Variants in ABCC9 observed in about 807,000 individuals in gnomAD.
ABCC9 encodes ATP binding cassette subfamily C member 9, also known as ATP-binding cassette sub-family C member 9.
A neutral mutation model predicts 188.3 loss-of-function variants in ABCC9; 95 were observed. That is an observed-to-expected ratio of 0.50 (90% CI 0.43 to 0.60). The LOEUF is 0.60. Among genes scored for constraint, ABCC9 ranks in the 20% least tolerant of loss-of-function variants. The probability of loss-of-function intolerance (pLI) is 0.00; values close to 1 mark genes in which losing one functional copy is unlikely to be tolerated. For synonymous variants in ABCC9, 659 were observed against 652.7 expected (o/e 1.01, Z -0.15); for missense variants, 1,102 against 1,876.3 (o/e 0.59, Z 7.62).
intron 16 of ABCC9, among the ~76,000 whole-genome samples, chr12:21,881,728 A>ACACG (rs1420586540): frequency 1.2e-4 from 18 of 151,402 alleles, no homozygotes; most frequent in African/African-American, 3.9e-4. Flanking sequence ...ACACACACAC[A>ACACG]CACACATTTT....
intron 25 of ABCC9, among the ~76,000 whole-genome samples, chr12:21,847,431 T>G (rs1944731651): frequency 6.6e-6 from 1 of 152,162 alleles, no homozygotes; most frequent in African/African-American, 2.4e-5. Context: ...ATTTTGGTGC[T>G]ATTTGACTTG....
At chr12:21,859,170 C>T (rs1945379327) in intron 22 of ABCC9, among the ~76,000 whole-genome samples, 1 of 152,178 alleles carries the variant, frequency 6.6e-6, no homozygotes, top group Admixed American at 6.5e-5. Context: ...AGCTTATCCA[C>T]AGCCCGAGTT....
chr12:21,838,214 C>A, intron 29 of ABCC9, 44 bp from the exon 30 acceptor site: 1 of 1,247,486 alleles, frequency 8.0e-7, no homozygotes, highest in South Asian at 1.2e-5. Flanking sequence ...TGCATCCAGA[C>A]TCAAAGACTA....
At chr12:21,868,676 C>A (rs1282198658) in intron 18 of ABCC9, among the ~76,000 whole-genome samples, 1 of 152,006 alleles carries the variant, frequency 6.6e-6, no homozygotes, top group African/African-American at 2.4e-5. Flanking sequence ...ATCAGAGACA[C>A]ATGTAATGGT....
At chr12:21,841,881 G>C (rs962088746) in intron 29 of ABCC9, among the ~76,000 whole-genome samples, 1 of 152,062 alleles carries the variant, frequency 6.6e-6, no homozygotes, top group African/African-American at 2.4e-5. Context: ...TTTCATATAG[G>C]TTGCATTTCT....
chr12:21,832,619 A>G (rs982469900), intron 30 of ABCC9, among the ~76,000 whole-genome samples: 4 of 152,110 alleles, frequency 2.6e-5, no homozygotes, highest in Admixed American at 2.6e-4. Context: ...TTAAAAATAA[A>G]AAAAAAAAAT....
intron 14 of ABCC9, 155 bp from the exon 15 acceptor site, chr12:21,888,089 C>G (rs1438415539): frequency 3.0e-6 from 2 of 671,728 alleles, no homozygotes; most frequent in Non-Finnish European, 5.5e-6. Flanking sequence ...GCTAGATCGA[C>G]CAAACATCCT....
At chr12:21,883,816 A>G (rs1026193801) in intron 15 of ABCC9, among the ~76,000 whole-genome samples, 10 of 152,114 alleles carry the variant, frequency 6.6e-5, no homozygotes, top group African/African-American at 2.4e-4. Flanking sequence ...TTATAGCCCT[A>G]TTCCTAGTCA....
intron 12 of ABCC9, among the ~76,000 whole-genome samples, chr12:21,902,844 C>A (rs1248547564): frequency 2.0e-5 from 3 of 152,182 alleles, no homozygotes; most frequent in Non-Finnish European, 4.4e-5. Context: ...GGATTCACAG[C>A]TGAATTCTAC....
chr12:21,839,872 T>C (rs1944291025), intron 29 of ABCC9, among the ~76,000 whole-genome samples: 1 of 152,134 alleles, frequency 6.6e-6, no homozygotes, highest in Non-Finnish European at 1.5e-5. Context: ...AATTTTCACA[T>C]GGGGATTCGG....
chr12:21,857,102 T>C (rs953986910), intron 22 of ABCC9, among the ~76,000 whole-genome samples: 1 of 152,224 alleles, frequency 6.6e-6, no homozygotes, highest in Non-Finnish European at 1.5e-5. Flanking sequence ...ATTCCATTGC[T>C]GCTAAAATGT....
chr12:21,816,067 TTTTTTTTTTTTTTA>T (rs1942619373), intron 33 of ABCC9, among the ~76,000 whole-genome samples, 174 bp from the exon 34 acceptor site: 2 of 113,270 alleles, frequency 1.8e-5, no homozygotes, highest in Non-Finnish European at 1.8e-5. Context: ...TTTTTTTTTT[TTTTTTTTTTTTTTA>T]GTTTAAATCA....
At chr12:21,845,864 G>A in intron 25 of ABCC9, 32 bp from the exon 26 acceptor site, 1 of 1,471,230 alleles carries the variant, frequency 6.8e-7, no homozygotes, top group Non-Finnish European at 9.5e-7. Context: ...TTAAGCTTCA[G>A]ATGGGCACCG....
intron 29 of ABCC9, among the ~76,000 whole-genome samples, chr12:21,840,448 C>G (rs139224965): frequency 6.6e-6 from 1 of 152,278 alleles, no homozygotes; most frequent in East Asian, 1.9e-4. Flanking sequence ...ATAGATTATT[C>G]TGATGATGAA....
At chr12:21,857,603 T>C (rs113179497) in intron 22 of ABCC9, among the ~76,000 whole-genome samples, 12 of 152,100 alleles carry the variant, frequency 7.9e-5, no homozygotes, top group African/African-American at 2.9e-4. Context: ...GAGGAGCTTA[T>C]CCAGACAGGC....
chr12:21,836,398 C>T (rs1276386562), intron 30 of ABCC9, among the ~76,000 whole-genome samples: 2 of 152,208 alleles, frequency 1.3e-5, no homozygotes, highest in Admixed American at 6.5e-5. Context: ...TATGTTCCAA[C>T]AGTACTGGAC....
chr12:21,923,614 A>C (rs1948924617), intron 5 of ABCC9: 6 of 540,892 alleles, frequency 1.1e-5, no homozygotes. Flanking sequence ...TGACTAAATT[A>C]GACCAAGATC....
chr12:21,806,128 C>T, intron 38 of ABCC9, 68 bp from the exon 39 acceptor site: 1 of 1,392,302 alleles, frequency 7.2e-7, no homozygotes, highest in East Asian at 2.3e-5. Context: ...GCCCCAAGAA[C>T]AATCAATATT....
chr12:21,887,740 C>T, intron 15 of ABCC9, 86 bp downstream of exon 15: 1 of 914,798 alleles, frequency 1.1e-6, no homozygotes, highest in Admixed American at 1.8e-5. Context: ...AGCTTATAAT[C>T]TCTTCTAACT....
Sources: allele counts gnomAD v4.1 joint callset (sites outside exome capture counted in the v4.1 genomes callset), GRCh38; gene constraint gnomAD v4.1.1; transcripts MANE v1.5; gene names NCBI Gene and HGNC (gene_info 2026-07-23, HGNC 2026-07-21).